YARS1: variants seen among roughly 807,000 people sequenced by gnomAD.
YARS1 encodes tyrosine--tRNA ligase, cytoplasmic.
A neutral mutation model predicts 62.2 loss-of-function variants in YARS1; 36 were observed. The ratio of observed to expected loss-of-function variants is 0.58; its 90% CI spans 0.44 to 0.76. The LOEUF is 0.76. Among genes scored for constraint, YARS1 ranks in the 30% least tolerant of loss-of-function variants. The probability of loss-of-function intolerance (pLI) is 0.00; values close to 1 mark genes in which losing one functional copy is unlikely to be tolerated. For synonymous variants in YARS1, 234 were observed against 244.9 expected, an observed-to-expected ratio of 0.96 and a Z score of 0.42; for missense variants, 524 against 639.8, an observed-to-expected ratio of 0.82 and a Z score of 1.95.
chr1:32,780,309 A>T lies in YARS1; in HGVS notation c.1141-31T>A, dbSNP rs750110125. The T allele has an allele frequency of 6.4e-5, 103 of 1,612,206 alleles. 1 individual carries two copies. Among genetic ancestry groups the T allele is most frequent in the Non-Finnish European group, 7.9e-5 (93 of 1,179,050 alleles). On this transcript the variant is annotated intron_variant, in intron 10 of 12. Coordinates refer to ENST00000373477, the MANE Select transcript of YARS1 (RefSeq NM_003680.4). Reference sequence around the variant, plus strand: ...AGGGAGAGACGTCAGGAGGAAGAGGATCATCGTCCATTAGAGAAGCAGCCT... The same window carrying T: ...AGGGAGAGACGTCAGGAGGAAGAGGTTCATCGTCCATTAGAGAAGCAGCCT...
intron 4 of YARS1, 101 bp downstream of exon 4, chr1:32,806,381 A>G (rs1022228175): frequency 2.1e-5 from 34 of 1,590,634 alleles, no homozygotes; most frequent in Non-Finnish European, 2.8e-5. Flanking sequence ...TGTAAAAAAC[A>G]CAATATCTGC....
intron 12 of YARS1, among the ~76,000 whole-genome samples, chr1:32,778,497 C>A (rs1399289265): frequency 6.6e-6 from 1 of 151,832 alleles, no homozygotes; most frequent in Non-Finnish European, 1.5e-5. Flanking sequence ...CAAGCTCCAC[C>A]TCCCAGGTTC....
In YARS1 at chr1:32,780,275, G is replaced by C; in HGVS notation, c.1144C>G (p.Pro382Ala). ...TCTACATACAGGCTGTCTGCATCTGGGTGCTGCCAGGGAGAGACGTCAGGA... is the reference window on the plus strand; with the variant it reads ...TCTACATACAGGCTGTCTGCATCTGCGTGCTGCCAGGGAGAGACGTCAGGA... ...VGKIITVEKH[P>A]DADSLYVEKI... The change falls in exon 11 of 13, where the codon CCA (proline) becomes GCA (alanine). Residue 382 changes from proline to alanine, a missense_variant. By Grantham distance (27) the Pro-to-Ala change is conservative. Transcript: ENST00000373477. 3.1e-6 allele frequency: 5 copies of C among 1,614,034 alleles called. No homozygotes were observed. Among genetic ancestry groups the C allele is most frequent in the Non-Finnish European group, 4.2e-6 (5 of 1,180,052 alleles).
At chr1:32,803,238 C>G (rs891712890) in intron 4 of YARS1, among the ~76,000 whole-genome samples, 1 of 151,508 alleles carries the variant, frequency 6.6e-6, no homozygotes, top group South Asian at 2.1e-4. Context: ...CTCGGCCTCC[C>G]AAAGTGCTGA....
At position 32,780,073 on chromosome 1, in the gene YARS1, G is replaced by C. The variant is rs1653001570; in HGVS notation, c.1334+12C>G. On this transcript the variant is annotated intron_variant, in intron 11 of 12. Coordinates refer to ENST00000373477, the MANE Select transcript of YARS1 (RefSeq NM_003680.4). Reference sequence around the variant, plus strand: ...CCCCAGGTCCTGTGCCCCACTCCAAGTCCTCACTCACATAGAAGCACACAG... The same window carrying C: ...CCCCAGGTCCTGTGCCCCACTCCAACTCCTCACTCACATAGAAGCACACAG... The C allele has an allele frequency of 9.3e-6, 15 of 1,613,846 alleles. No homozygotes were observed. The South Asian group carries it at 1.6e-4, about 18-fold the overall frequency.
At chr1:32,794,211 G>T (rs1190676037) in intron 5 of YARS1, among the ~76,000 whole-genome samples, 1 of 151,968 alleles carries the variant, frequency 6.6e-6, no homozygotes, top group Admixed American at 6.6e-5. Context: ...TTAGCCGGGC[G>T]TGGTGGCGGG....
At chr1:32,785,835 C>T (rs553498257) in intron 8 of YARS1, among the ~76,000 whole-genome samples, 25 of 151,922 alleles carry the variant, frequency 1.6e-4, no homozygotes, top group Middle Eastern at 3.4e-3. Context: ...CCACCCACCT[C>T]GGCCTCCCAA....
At chr1:32,782,352 A>T in intron 9 of YARS1, 52 bp downstream of exon 9, 1 of 1,613,662 alleles carries the variant, frequency 6.2e-7, no homozygotes, top group Non-Finnish European at 8.5e-7. Flanking sequence ...TCCAAGGCTC[A>T]TTGACAAGCT....
At chr1:32,808,912 G>C (rs555434805) in intron 3 of YARS1, among the ~76,000 whole-genome samples, 1 of 152,226 alleles carries the variant, frequency 6.6e-6, no homozygotes, top group Admixed American at 6.5e-5. Flanking sequence ...TTAAGATAGG[G>C]ACTTTTGTTT....
intron 1 of YARS1, chr1:32,816,653 ACTT>A: frequency 6.5e-6 from 1 of 154,778 alleles, no homozygotes; most frequent in African/African-American, 2.4e-5. Flanking sequence ...CCTCTGGTTC[ACTT>A]CTACTCCTGT....
intron 12 of YARS1, among the ~76,000 whole-genome samples, 167 bp downstream of exon 12, chr1:32,779,215 T>G (rs772950735): frequency 8.5e-5 from 13 of 152,068 alleles, no homozygotes; most frequent in Non-Finnish European, 1.8e-4. Context: ...ACCCCCATGC[T>G]CCTTAGGCAC....
At chr1:32,814,328 C>G (rs1638649025) in intron 1 of YARS1, among the ~76,000 whole-genome samples, 1 of 152,126 alleles carries the variant, frequency 6.6e-6, no homozygotes, top group Middle Eastern at 3.2e-3. Flanking sequence ...CAGATCACAC[C>G]AGGATTACCG....
intron 1 of YARS1, among the ~76,000 whole-genome samples, chr1:32,813,135 T>C (rs550600389): frequency 4.6e-5 from 7 of 152,102 alleles, no homozygotes; most frequent in Admixed American, 1.3e-4. Context: ...GGCAAACCAA[T>C]GTATACCTTA....
chr1:32,786,450 A>T lies in YARS1; in HGVS notation c.821-3T>A, dbSNP rs757673905. The T allele has an allele frequency of 6.2e-7, 1 of 1,613,134 alleles. No homozygotes were observed. Among genetic ancestry groups the T allele is most frequent in the African/African-American group, 1.3e-5 (1 of 74,896 alleles). On this transcript the variant is annotated splice_polypyrimidine_tract_variant and splice_region_variant and intron_variant, in intron 7 of 12. Coordinates refer to ENST00000373477, the MANE Select transcript of YARS1 (RefSeq NM_003680.4). The stretch of plus-strand genomic sequence containing the variant: ...CTCATCTCGTAGGATCACAAACTCT[A>T]TAAGGAAAAGGATCCATGTCAACAA...
At chr1:32,815,526 G>A (rs1163238668) in intron 1 of YARS1, among the ~76,000 whole-genome samples, 1 of 151,562 alleles carries the variant, frequency 6.6e-6, no homozygotes. Context: ...TAACCCAAAT[G>A]TCCATCAACT....
rs1181455878 is a variant in YARS1 at position 32,796,138 on chromosome 1, CA to C, written c.591+1624del. 2.0e-5 allele frequency among the ~76,000 whole-genome samples: 3 copies of C among 150,246 alleles called. No homozygotes were observed. The South Asian group carries it at 6.3e-4, about 32-fold the overall frequency. On this transcript the variant is annotated intron_variant, in intron 5 of 12. Coordinates refer to ENST00000373477, the MANE Select transcript of YARS1 (RefSeq NM_003680.4). ...TGAAACTCCGTCTCTACTAAAAATA[CA>C]AAAAAATTAGCCGGGTGTGGTGGCA...
chr1:32,798,996 G>A (rs751969011), intron 4 of YARS1, among the ~76,000 whole-genome samples: 67 of 152,298 alleles, frequency 4.4e-4, no homozygotes, highest in Middle Eastern at 3.4e-3. Context: ...TCAACTCAGC[G>A]TGCTAAGGGT....
chr1:32,800,630 C>G (rs1193283963), intron 4 of YARS1, among the ~76,000 whole-genome samples: 1 of 151,858 alleles, frequency 6.6e-6, no homozygotes, highest in Non-Finnish European at 1.5e-5. Context: ...CTGTCTGTCA[C>G]CCAGGCTGGA....
chr1:32,794,359 A>T (rs946966192), intron 5 of YARS1, among the ~76,000 whole-genome samples: 5 of 149,744 alleles, frequency 3.3e-5, no homozygotes, highest in South Asian at 4.2e-4. Flanking sequence ...CAGAAAAATT[A>T]AAAAAAAAAT....
Sources: allele counts gnomAD v4.1 joint callset (sites outside exome capture counted in the v4.1 genomes callset), GRCh38; gene constraint gnomAD v4.1.1; transcripts MANE v1.5; gene names NCBI Gene and HGNC (gene_info 2026-07-23, HGNC 2026-07-21).